The following TTC28 variants were observed in gnomAD, a reference collection of about 807,000 sequenced individuals.
TTC28 encodes the protein tetratricopeptide repeat domain 28.
Under a neutral mutation model 198.0 loss-of-function variants are expected in TTC28, and 61 were observed. The ratio of observed to expected loss-of-function variants is 0.31; its 90% CI spans 0.25 to 0.38. The LOEUF (loss-of-function observed/expected upper bound fraction) is 0.38. Among genes scored for constraint, TTC28 ranks in the 10% least tolerant of loss-of-function variants. The probability of loss-of-function intolerance (pLI) is 1.00; values close to 1 mark genes in which losing one functional copy is unlikely to be tolerated. For synonymous variants in TTC28, 1,171 were observed against 1,297.8 expected (o/e 0.90, Z 2.10); for missense variants, 2,678 against 3,164.0 (o/e 0.85, Z 3.69).
intron 1 of TTC28, among the ~76,000 whole-genome samples, chr22:28,646,224 G>A (rs962904674): frequency 6.6e-6 from 1 of 152,132 alleles, no homozygotes; most frequent in Non-Finnish European, 1.5e-5. Context: ...TTGCAAAATC[G>A]ATGTACACAG....
chr22:28,083,681 G>T (rs1447491410), intron 12 of TTC28, among the ~76,000 whole-genome samples: 1 of 152,244 alleles, frequency 6.6e-6, no homozygotes, highest in Non-Finnish European at 1.5e-5. Context: ...AGCGGGTGCA[G>T]CGCACCGTGC....
intron 1 of TTC28, among the ~76,000 whole-genome samples, chr22:28,671,126 G>C (rs1239370386): frequency 6.6e-6 from 1 of 151,512 alleles, no homozygotes; most frequent in Non-Finnish European, 1.5e-5. Flanking sequence ...TATTTTTTTT[G>C]TAGAGAAGAG....
At chr22:28,277,229 A>T (rs527816197) in intron 5 of TTC28, among the ~76,000 whole-genome samples, 1 of 152,366 alleles carries the variant, frequency 6.6e-6, no homozygotes, top group South Asian at 2.1e-4. Context: ...GCAATAAGCA[A>T]TTCAATGGTG....
intron 2 of TTC28, among the ~76,000 whole-genome samples, chr22:28,500,811 A>C (rs931751418): frequency 1.3e-5 from 2 of 152,166 alleles, no homozygotes; most frequent in Admixed American, 1.3e-4. Context: ...CAAAAAATAA[A>C]GATGTGGTCA....
chr22:28,078,337 C>A (rs1011961904), intron 12 of TTC28, among the ~76,000 whole-genome samples: 1 of 152,040 alleles, frequency 6.6e-6, no homozygotes. Flanking sequence ...AACACTAGCC[C>A]AGCATGAACG....
Position 28,107,146 on chromosome 22 carries a change from T to C in TTC28, c.2699A>G (p.Tyr900Cys), listed in dbSNP as rs1223628170. Residue 900 changes from tyrosine (Y) to cysteine (C), a missense_variant, in exon 7 of 23, where the codon TAT becomes TGT. This residue lies in a region of TTC28 where 775 missense variants were observed against 845.9 expected (regional missense o/e 0.92). Coordinates refer to ENST00000397906, the MANE Select transcript of TTC28 (RefSeq NM_001145418.2). ...CTGCGCGACAGATAAATATTGTTCATAGTATTTGATAGCTTCCTCATAGTC... is the reference window on the plus strand; with the variant it reads ...CTGCGCGACAGATAAATATTGTTCACAGTATTTGATAGCTTCCTCATAGTC... ...LGDYEEAIKY[Y>C]EQYLSVAQSL... is the part of the protein sequence containing the mutation. 4.5e-6 allele frequency: 7 copies of C among 1,551,572 alleles called. No homozygotes were observed. Among genetic ancestry groups the C allele is most frequent in the Admixed American group, 3.9e-5 (2 of 50,990 alleles).
Position 28,176,881 on chromosome 22 carries a change from C to T in TTC28, c.934-13282G>A, listed in dbSNP as rs188470110. Among the ~76,000 whole-genome samples, 346 of 152,246 alleles carry T rather than the reference C, an allele frequency of 2.3e-3. 2 individuals are homozygous for T. The highest frequency in any genetic ancestry group is 4.8e-3 in the Admixed American group (74 of 15,292). ...AAAATGAATATAGACACAGACCTTA[C>T]ACATTTAACAAAAATTAACTGGAAA... On this transcript the variant is annotated intron_variant, in intron 5 of 22. Transcript: ENST00000397906.
At chr22:28,037,422 G>A (rs528564130) in intron 12 of TTC28, among the ~76,000 whole-genome samples, 1 of 152,264 alleles carries the variant, frequency 6.6e-6, no homozygotes, top group South Asian at 2.1e-4. Flanking sequence ...AAAACCACAT[G>A]ATTATCTCAA....
chr22:28,520,453 G>A (rs1601504798), intron 2 of TTC28, among the ~76,000 whole-genome samples: 1 of 152,184 alleles, frequency 6.6e-6, no homozygotes, highest in African/African-American at 2.4e-5. Context: ...AAAGGCAAAA[G>A]CAGCAAGATC....
At chr22:28,461,945 T>C (rs1337880445) in intron 2 of TTC28, among the ~76,000 whole-genome samples, 1 of 152,188 alleles carries the variant, frequency 6.6e-6, no homozygotes, top group African/African-American at 2.4e-5. Flanking sequence ...GTTACACCCA[T>C]CATTCACCAA....
intron 2 of TTC28, among the ~76,000 whole-genome samples, chr22:28,585,985 A>C (rs2050310258): frequency 6.6e-6 from 1 of 152,060 alleles, no homozygotes; most frequent in Non-Finnish European, 1.5e-5. Flanking sequence ...ATTAAAAAAA[A>C]AAAAAGAAGA....
chr22:28,266,633 A>T (rs1931701618), intron 5 of TTC28, among the ~76,000 whole-genome samples: 1 of 152,314 alleles, frequency 6.6e-6, no homozygotes, highest in South Asian at 2.1e-4. Flanking sequence ...TGTCCCAGGG[A>T]GGTCTCAGAT....
intron 2 of TTC28, among the ~76,000 whole-genome samples, chr22:28,348,048 G>A (rs2045935984): frequency 6.6e-6 from 1 of 152,220 alleles, no homozygotes; most frequent in South Asian, 2.1e-4. Flanking sequence ...AAAGAGCCTG[G>A]CACATGCCCT....
Position 27,990,204 on chromosome 22 carries a change from A to C in TTC28, c.5578-197T>G, listed in dbSNP as rs1601486724. ...CCTCTCTGTGGGAAGCTCATGGGGC[A>C]TTGGGGCAAGAGGCTGTGTGGCCTC... On this transcript the variant is annotated intron_variant, in intron 20 of 22. Transcript: ENST00000397906. 4 of 694,094 alleles carry C rather than the reference A, an allele frequency of 5.8e-6. No individual in the cohort carries two copies. In the East Asian group the frequency reaches 9.9e-5, roughly 17 times the overall value. 43.0% of individuals were successfully genotyped at this position (694,094 alleles called of 1,614,324 possible).
intron 2 of TTC28, among the ~76,000 whole-genome samples, chr22:28,350,776 G>C (rs2045981845): frequency 6.6e-6 from 1 of 152,182 alleles, no homozygotes; most frequent in Admixed American, 6.5e-5. Context: ...GAGATATTTA[G>C]GAGACCCCCT....
At chr22:28,441,887 T>TA (rs979638590) in intron 2 of TTC28, among the ~76,000 whole-genome samples, 11,062 of 119,086 alleles carry the variant, frequency 0.093, 567 homozygotes, top group Non-Finnish European at 0.12. Context: ...ATTTGAAGTT[T>TA]AAAAAAAAAA....
At chr22:28,385,641 T>A (rs1415925550) in intron 2 of TTC28, among the ~76,000 whole-genome samples, 1 of 152,032 alleles carries the variant, frequency 6.6e-6, no homozygotes. Flanking sequence ...TTATTGTGAA[T>A]TTTTTACTTT....
intron 2 of TTC28, among the ~76,000 whole-genome samples, chr22:28,621,601 G>C (rs1387906099): frequency 6.6e-6 from 1 of 151,298 alleles, no homozygotes; most frequent in African/African-American, 2.4e-5. Flanking sequence ...AAAATAGCTA[G>C]GTATGATGGC....
chr22:28,421,649 G>C (rs1005428359), intron 2 of TTC28, among the ~76,000 whole-genome samples: 1 of 152,112 alleles, frequency 6.6e-6, no homozygotes, highest in South Asian at 2.1e-4. Context: ...TGCTGCTTCG[G>C]ATCAAGAAGA....
Sources: allele counts gnomAD v4.1 joint callset (sites outside exome capture counted in the v4.1 genomes callset), GRCh38; gene constraint gnomAD v4.1.1; regional missense constraint gnomAD v4.1.1; transcripts MANE v1.5; gene names NCBI Gene and HGNC (gene_info 2026-07-23, HGNC 2026-07-21).